The following ESRRG variants were observed in gnomAD, a reference collection of about 807,000 sequenced individuals.
ESRRG encodes estrogen-related receptor gamma.
In ESRRG, 13 loss-of-function variants were observed where a neutral mutation model predicts 44.0. The observed-to-expected ratio is 0.30, with a 90% CI of 0.19 to 0.47. ESRRG has a LOEUF of 0.47. Among genes scored for constraint, ESRRG ranks in the 20% least tolerant of loss-of-function variants. The pLI is 1.00. For synonymous variants in ESRRG, 215 were observed against 214.6 expected, an observed-to-expected ratio of 1.00 and a Z score of -0.02; for missense variants, 395 against 580.6, an observed-to-expected ratio of 0.68 and a Z score of 3.29.
At chr1:217,082,984 T>C (rs189051678) in intron 1 of ESRRG, among the ~76,000 whole-genome samples, 298 of 152,378 alleles carry the variant, frequency 2.0e-3, no homozygotes, top group African/African-American at 7.0e-3. Context: ...TCCTGTTATA[T>C]GTGCTTTCTT....
At chr1:217,136,091 A>G (rs1308794738) in intron 1 of ESRRG, among the ~76,000 whole-genome samples, 1 of 152,102 alleles carries the variant, frequency 6.6e-6, no homozygotes, top group Non-Finnish European at 1.5e-5. Context: ...CTACCCACCT[A>G]CCTTTGCTAC....
At chr1:216,512,982 G>A (rs1463673270) in intron 6 of ESRRG, among the ~76,000 whole-genome samples, 3 of 152,114 alleles carry the variant, frequency 2.0e-5, no homozygotes, top group South Asian at 4.1e-4. Context: ...TCATGGAAAC[G>A]GATTCTTCCC....
At chr1:216,902,067 T>G (rs971386476) in intron 2 of ESRRG, among the ~76,000 whole-genome samples, 1 of 152,238 alleles carries the variant, frequency 6.6e-6, no homozygotes, top group Non-Finnish European at 1.5e-5. Context: ...TTTTTATATC[T>G]GAAGTTCATC....
intron 1 of ESRRG, among the ~76,000 whole-genome samples, chr1:217,034,074 G>A (rs2082467763): frequency 6.6e-6 from 1 of 152,102 alleles, no homozygotes; most frequent in African/African-American, 2.4e-5. Flanking sequence ...GTATCATTCT[G>A]AAGAGCCAGA....
upstream of ESRRG, among the ~76,000 whole-genome samples, chr1:216,726,480 A>G (rs2087542630): frequency 6.6e-6 from 1 of 152,184 alleles, no homozygotes; most frequent in Non-Finnish European, 1.5e-5. Flanking sequence ...TAAATGTGCC[A>G]TGAGTAATAC....
chr1:216,829,839 C>T (rs1053793401), intron 2 of ESRRG, among the ~76,000 whole-genome samples: 1 of 152,138 alleles, frequency 6.6e-6, no homozygotes, highest in African/African-American at 2.4e-5. Context: ...CAGGTGTGAG[C>T]CACCGCGCCC....
At chr1:216,555,490 A>G (rs755748785) in intron 5 of ESRRG, among the ~76,000 whole-genome samples, 19 of 151,978 alleles carry the variant, frequency 1.3e-4, no homozygotes, top group Non-Finnish European at 2.6e-4. Flanking sequence ...GTGTGTTATC[A>G]TATCAGAAAT....
chr1:216,595,328 C>T (rs1300421940), intron 3 of ESRRG, among the ~76,000 whole-genome samples: 2 of 152,132 alleles, frequency 1.3e-5, no homozygotes, highest in African/African-American at 4.8e-5. Context: ...TCAAAAATGA[C>T]AGGGCATGAT....
chr1:216,975,993 C>CTTCTAAATG (rs2072802894), intron 1 of ESRRG, among the ~76,000 whole-genome samples: 1 of 152,222 alleles, frequency 6.6e-6, no homozygotes, highest in African/African-American at 2.4e-5. Flanking sequence ...ATCCAACCAC[C>CTTCTAAATG]TTCTAAATGT....
chr1:216,762,876 C>T (rs1261564711), intron 2 of ESRRG, among the ~76,000 whole-genome samples: 1 of 151,970 alleles, frequency 6.6e-6, no homozygotes, highest in Non-Finnish European at 1.5e-5. Flanking sequence ...AAGTACCTTA[C>T]ACAAACAAAT....
At chr1:216,821,687 GA>G (rs1251334274) in intron 2 of ESRRG, among the ~76,000 whole-genome samples, 3 of 54,198 alleles carry the variant, frequency 5.5e-5, no homozygotes, top group Non-Finnish European at 1.2e-4. Flanking sequence ...CCTGCCTCAG[GA>G]AAAATAAATA....
chr1:216,663,185 G>T (rs1394863373), intron 2 of ESRRG, among the ~76,000 whole-genome samples: 1 of 152,122 alleles, frequency 6.6e-6, no homozygotes, highest in Non-Finnish European at 1.5e-5. Flanking sequence ...GAAAGCTCTG[G>T]GGCACAGTGA....
intron 1 of ESRRG, among the ~76,000 whole-genome samples, chr1:217,015,513 T>C (rs11577995): frequency 1.3e-5 from 2 of 152,108 alleles, no homozygotes; most frequent in Non-Finnish European, 2.9e-5. Flanking sequence ...GGGTTGTTTT[T>C]CTCTACACAG....
chr1:216,553,832 C>A (rs1226718517), intron 5 of ESRRG, among the ~76,000 whole-genome samples: 2 of 151,746 alleles, frequency 1.3e-5, no homozygotes, highest in South Asian at 2.1e-4. Flanking sequence ...AATAACCTGG[C>A]AAAAATTAAT....
At chr1:216,640,610 C>T (rs2066215562) in intron 3 of ESRRG, among the ~76,000 whole-genome samples, 1 of 152,028 alleles carries the variant, frequency 6.6e-6, no homozygotes, top group African/African-American at 2.4e-5. Flanking sequence ...CAAAATCGTG[C>T]CTCATACCTG....
intron 2 of ESRRG, among the ~76,000 whole-genome samples, chr1:216,785,968 G>T (rs565734501): frequency 1.2e-4 from 18 of 152,118 alleles, no homozygotes; most frequent in Admixed American, 1.2e-3. Context: ...ATAACACATC[G>T]CACGCCTAGA....
At chr1:216,580,213 A>G (rs1462972881) in intron 3 of ESRRG, among the ~76,000 whole-genome samples, 1 of 152,226 alleles carries the variant, frequency 6.6e-6, no homozygotes, top group Non-Finnish European at 1.5e-5. Flanking sequence ...ACAGCCATGC[A>G]CTATGATGAT....
chr1:217,030,881 C>T (rs2081971284), intron 1 of ESRRG, among the ~76,000 whole-genome samples: 1 of 152,178 alleles, frequency 6.6e-6, no homozygotes, highest in African/African-American at 2.4e-5. Flanking sequence ...AAACAGAATG[C>T]ATTTTTAAAA....
At chr1:217,105,952 T>A (rs2092588575) in intron 1 of ESRRG, among the ~76,000 whole-genome samples, 1 of 152,208 alleles carries the variant, frequency 6.6e-6, no homozygotes, top group African/African-American at 2.4e-5. Flanking sequence ...CTTGAAACTG[T>A]GTAATTATCA....
Sources: gnomAD v4.1 joint callset for allele counts (sites outside exome capture counted in the v4.1 genomes callset) on GRCh38, gnomAD v4.1.1 for gene constraint, MANE v1.5 for transcripts, NCBI Gene and HGNC (gene_info 2026-07-23, HGNC 2026-07-21) for gene names.